Variants in CELF4 observed in about 807,000 individuals in gnomAD.
CELF4 encodes CUG-BP- and ETR-3-like factor 4.
A neutral mutation model predicts 59.9 loss-of-function variants in CELF4; 18 were observed. The observed-to-expected ratio is 0.30, with a 90% CI of 0.21 to 0.45. The LOEUF (loss-of-function observed/expected upper bound fraction) is 0.45. Ranked by LOEUF, CELF4 falls within the 20% of genes least tolerant of loss-of-function variation. CELF4 has a pLI of 1.00. For synonymous variants in CELF4, 261 were observed against 267.1 expected, an observed-to-expected ratio of 0.98 and a Z score of 0.22; for missense variants, 456 against 689.0, an observed-to-expected ratio of 0.66 and a Z score of 3.79.
chr18:37,329,423 C>G (rs557742012), intron 2 of CELF4, among the ~76,000 whole-genome samples: 44 of 152,250 alleles, frequency 2.9e-4, no homozygotes, highest in Non-Finnish European at 5.6e-4. Context: ...CCCATGGGCT[C>G]TCAGTCCTAA....
At chr18:37,336,076 G>C (rs1262697613) in intron 2 of CELF4, among the ~76,000 whole-genome samples, 1 of 152,172 alleles carries the variant, frequency 6.6e-6, no homozygotes, top group Non-Finnish European at 1.5e-5. Flanking sequence ...TCTGAGCCCT[G>C]AGGAGCAGCC....
intron 3 of CELF4, among the ~76,000 whole-genome samples, chr18:37,316,390 G>A (rs2096871211): frequency 6.6e-6 from 1 of 152,186 alleles, no homozygotes; most frequent in Non-Finnish European, 1.5e-5. Flanking sequence ...CATGCAGACA[G>A]ATGACTCCTG....
intron 1 of CELF4, among the ~76,000 whole-genome samples, chr18:37,493,578 G>A (rs2099914258): frequency 6.6e-6 from 1 of 151,980 alleles, no homozygotes; most frequent in Non-Finnish European, 1.5e-5. Flanking sequence ...GGGCCATGGG[G>A]TCTGGGGAAG....
intron 2 of CELF4, among the ~76,000 whole-genome samples, chr18:37,367,881 T>C (rs73950711): frequency 0.03 from 4,614 of 152,240 alleles, 97 homozygotes; most frequent in African/African-American, 0.059. Flanking sequence ...TCTCCCCACC[T>C]TTCCTTTGTG....
rs925203837 is a variant in CELF4 at position 37,484,703 on chromosome 18, T to C, written c.369+822A>G. Among the ~76,000 whole-genome samples the C allele has an allele frequency of 1.2e-4, 19 of 152,252 alleles. 1 individual carries two copies. Among genetic ancestry groups the C allele is most frequent in the Non-Finnish European group, 2.2e-4 (15 of 68,044 alleles). On this transcript the variant is annotated intron_variant, in intron 2 of 12. Transcript: ENST00000420428. ...GTAGAAATGGAAACGTGTGTTTACA[T>C]ACGGTTGGCTTGGTAAGAATGTAAA...
At chr18:37,527,643 T>A (rs4799938) in intron 1 of CELF4, among the ~76,000 whole-genome samples, 66,379 of 151,936 alleles carry the variant, frequency 0.44, 15,605 homozygotes, top group East Asian at 0.76. Context: ...AAACAAGCAG[T>A]CTGTGGGGTG....
intron 1 of CELF4, among the ~76,000 whole-genome samples, chr18:37,494,366 C>T (rs527263340): frequency 6.6e-6 from 1 of 152,328 alleles, no homozygotes; most frequent in African/African-American, 2.4e-5. Flanking sequence ...AAAGTAGGGA[C>T]TGGCCCAGGG....
At chr18:37,395,629 G>C (rs1009017366) in intron 2 of CELF4, among the ~76,000 whole-genome samples, 1 of 152,248 alleles carries the variant, frequency 6.6e-6, no homozygotes, top group Non-Finnish European at 1.5e-5. Context: ...ATCTCACAGA[G>C]AGAATCTGTC....
At chr18:37,481,664 G>A (rs1311165203) in intron 2 of CELF4, among the ~76,000 whole-genome samples, 1 of 152,194 alleles carries the variant, frequency 6.6e-6, no homozygotes, top group Non-Finnish European at 1.5e-5. Flanking sequence ...TGTTGTGTGT[G>A]CCTCGACTCT....
At chr18:37,388,796 G>C (rs963888428) in intron 2 of CELF4, among the ~76,000 whole-genome samples, 1 of 152,092 alleles carries the variant, frequency 6.6e-6, no homozygotes, top group African/African-American at 2.4e-5. Flanking sequence ...TCTAAGCCCC[G>C]ACACCCTCTG....
At chr18:37,325,962 C>T (rs992764542) in intron 2 of CELF4, among the ~76,000 whole-genome samples, 1 of 152,166 alleles carries the variant, frequency 6.6e-6, no homozygotes, top group Non-Finnish European at 1.5e-5. Flanking sequence ...CAGTCTTGGT[C>T]GGGAAGATTT....
intron 1 of CELF4, among the ~76,000 whole-genome samples, chr18:37,562,665 A>G (rs907972328): frequency 2.0e-5 from 3 of 152,222 alleles, no homozygotes; most frequent in Non-Finnish European, 4.4e-5. Context: ...ATGGCAAGCG[A>G]GTAATTTTTT....
chr18:37,425,004 C>T (rs764118001), intron 2 of CELF4, among the ~76,000 whole-genome samples: 8 of 152,226 alleles, frequency 5.3e-5, no homozygotes, highest in Non-Finnish European at 8.8e-5. Flanking sequence ...ACTGTGGTCC[C>T]CAAGGCAGGT....
intron 2 of CELF4, among the ~76,000 whole-genome samples, chr18:37,327,296 T>A (rs1235876861): frequency 6.6e-6 from 1 of 152,212 alleles, no homozygotes; most frequent in African/African-American, 2.4e-5. Flanking sequence ...CCTCCCTGTC[T>A]GAGAAGGTGG....
chr18:37,450,502 C>T (rs769061668), intron 2 of CELF4, among the ~76,000 whole-genome samples: 7 of 151,710 alleles, frequency 4.6e-5, no homozygotes, highest in Admixed American at 1.3e-4. Context: ...CGCCCCCTTT[C>T]CCTCCCCAGG....
At chr18:37,334,569 T>C (rs547658634) in intron 2 of CELF4, among the ~76,000 whole-genome samples, 1 of 152,130 alleles carries the variant, frequency 6.6e-6, no homozygotes, top group African/African-American at 2.4e-5. Flanking sequence ...GAGACCCTTG[T>C]CTGTGTTATC....
intron 1 of CELF4, among the ~76,000 whole-genome samples, chr18:37,510,636 G>C (rs1368605089): frequency 1.3e-5 from 2 of 152,224 alleles, no homozygotes; most frequent in African/African-American, 2.4e-5. Flanking sequence ...TACATGCCTG[G>C]TGGTCTGAGG....
chr18:37,523,131 C>T (rs1268034467), intron 1 of CELF4, among the ~76,000 whole-genome samples: 5 of 152,094 alleles, frequency 3.3e-5, no homozygotes, highest in African/African-American at 4.8e-5. Context: ...GCTGGGCACC[C>T]GGCTGGGCAC....
intron 12 of CELF4, among the ~76,000 whole-genome samples, chr18:37,252,006 G>A (rs909938299): frequency 8.5e-5 from 13 of 152,280 alleles, no homozygotes; most frequent in African/African-American, 2.4e-4. Context: ...GCAGAGAGTG[G>A]AGGCACAAGC....
Sources: allele counts gnomAD v4.1 joint callset (sites outside exome capture counted in the v4.1 genomes callset), GRCh38; gene constraint gnomAD v4.1.1; transcripts MANE v1.5; gene names NCBI Gene and HGNC (gene_info 2026-07-23, HGNC 2026-07-21).